IGF2BP2: variants seen among roughly 807,000 people sequenced by gnomAD.
The protein encoded by IGF2BP2 is insulin like growth factor 2 mRNA binding protein 2, also known as insulin-like growth factor 2 mRNA-binding protein 2.
Under a neutral mutation model 75.8 loss-of-function variants are expected in IGF2BP2, and 17 were observed. The ratio of observed to expected loss-of-function variants is 0.22; its 90% confidence interval spans 0.15 to 0.34. The LOEUF (loss-of-function observed/expected upper bound fraction) is 0.34. Among genes scored for constraint, IGF2BP2 ranks in the 10% least tolerant of loss-of-function variants. The probability of loss-of-function intolerance (pLI) is 1.00; values close to 1 mark genes in which losing one functional copy is unlikely to be tolerated. For missense variants in IGF2BP2, 516 were observed against 772.4 expected, an observed-to-expected ratio of 0.67 and a Z score of 3.93; for synonymous variants, 288 against 295.6, an observed-to-expected ratio of 0.97 and a Z score of 0.26.
chr3:185,660,411 G>A (rs1415141309), intron 10 of IGF2BP2, among the ~76,000 whole-genome samples: 1 of 152,212 alleles, frequency 6.6e-6, no homozygotes, highest in Non-Finnish European at 1.5e-5. Flanking sequence ...TTTGCCTTAT[G>A]ACCCATTAGG....
At chr3:185,769,962 C>T (rs1336029341) in intron 2 of IGF2BP2, among the ~76,000 whole-genome samples, 2 of 151,778 alleles carry the variant, frequency 1.3e-5, no homozygotes, top group Non-Finnish European at 2.9e-5. Flanking sequence ...CACATTTTAT[C>T]TCTAAAGAAG....
chr3:185,725,596 G>A (rs1184064338), intron 2 of IGF2BP2, among the ~76,000 whole-genome samples: 1 of 152,162 alleles, frequency 6.6e-6, no homozygotes, highest in Non-Finnish European at 1.5e-5. Flanking sequence ...CGGGGTAGAG[G>A]AGAGGAGGTA....
chr3:185,731,115 C>A (rs1013698301), intron 2 of IGF2BP2, among the ~76,000 whole-genome samples: 2 of 152,044 alleles, frequency 1.3e-5, no homozygotes, highest in Non-Finnish European at 2.9e-5. Flanking sequence ...ATATCAAAAG[C>A]TCTTTGGATT....
chr3:185,810,786 CAAAAAACAAAAACT>C (rs1291381344), intron 2 of IGF2BP2, among the ~76,000 whole-genome samples: 2 of 148,732 alleles, frequency 1.3e-5, no homozygotes, highest in African/African-American at 5.0e-5. Context: ...AAAAAAACAA[CAAAAAACAAAAACT>C]AAAAAACAAA....
intron 2 of IGF2BP2, among the ~76,000 whole-genome samples, chr3:185,766,445 G>C (rs1007280100): frequency 2.6e-5 from 4 of 151,070 alleles, no homozygotes; most frequent in Admixed American, 2.6e-4. Flanking sequence ...TAAATGGTTG[G>C]AAAAAAAATA....
rs181496394 is a variant in IGF2BP2, at chr3:185,655,218, G to A, written c.1386+2068C>T. ...GTGATCTCGGCTCACTGCAACCTCC[G>A]CCTCCCAGGTTCAAGTGATTCTCCT... On this transcript the variant is annotated intron_variant, in intron 12 of 15. Transcript: ENST00000382199. 4.0e-3 allele frequency among the ~76,000 whole-genome samples: 612 copies of A among 152,184 alleles called. 7 individuals are homozygous for A. Among genetic ancestry groups the A allele is most frequent in the Non-Finnish European group, 6.4e-3 (434 of 67,994 alleles).
chr3:185,685,519 T>A (rs532626021), intron 7 of IGF2BP2, among the ~76,000 whole-genome samples: 1 of 152,268 alleles, frequency 6.6e-6, no homozygotes, highest in South Asian at 2.1e-4. Context: ...ATTTGTAATG[T>A]TCTTCTTTTA....
At chr3:185,742,350 G>C (rs1262495420) in intron 2 of IGF2BP2, among the ~76,000 whole-genome samples, 1 of 152,034 alleles carries the variant, frequency 6.6e-6, no homozygotes, top group Non-Finnish European at 1.5e-5. Context: ...AAAAAAATTA[G>C]CCAGGCATGG....
chr3:185,753,417 T>G (rs1209078143), intron 2 of IGF2BP2, among the ~76,000 whole-genome samples: 2 of 152,138 alleles, frequency 1.3e-5, no homozygotes, highest in African/African-American at 4.8e-5. Flanking sequence ...GCAGAAAAGA[T>G]GATATATGAC....
Position 185,645,549 on chromosome 3 carries a change from G to A in IGF2BP2, c.1782C>T (p.Ala594=), listed in dbSNP as rs369531151. 92 of 1,612,856 alleles carry A rather than the reference G, an allele frequency of 5.7e-5. No homozygotes were observed. The highest frequency in any genetic ancestry group is 7.7e-5 in the Non-Finnish European group (91 of 1,178,980). ...QQEQKYPQGV[A]SQRSK is the part of the protein sequence containing the mutation. ...GGGAGCCTCACTTGCTGCGCTGTGA[G>A]GCGACTCCCTGAGGGTATTTCTGCT... The change falls in exon 16 of 16, where the codon GCC becomes GCT. Residue 594 remains alanine, a synonymous_variant. Transcript: ENST00000382199. The surrounding 1 kb of genome is among the most constrained non-coding windows in gnomAD (Gnocchi z 4.9).
Position 185,687,098 on chromosome 3 carries a change from C to G in IGF2BP2, c.771G>C (p.Met257Ile). 2 of 1,613,784 alleles carry G rather than the reference C, an allele frequency of 1.2e-6. No homozygotes were observed. The highest frequency in any genetic ancestry group is 1.7e-6 in the Non-Finnish European group (2 of 1,179,944). ...TPEGTSEACR[M>I]ILEIMQKEAD... ...CCTCTTTCTGCATGATTTCAAGAAT[C>G]ATGCGGCATGCTTCAGAAGTCCCCT... Residue 257 changes from methionine to isoleucine, a missense_variant, in exon 7 of 16, where the codon ATG becomes ATC. By Grantham distance (10) the Met-to-Ile change is conservative. Transcript: ENST00000382199.
chr3:185,782,883 T>C (rs1735388232), intron 2 of IGF2BP2, among the ~76,000 whole-genome samples: 1 of 152,208 alleles, frequency 6.6e-6, no homozygotes, highest in Non-Finnish European at 1.5e-5. Context: ...ACCTGAGATG[T>C]TCTCCCAAAG....
intron 10 of IGF2BP2, among the ~76,000 whole-genome samples, chr3:185,661,635 CAAAAA>C (rs562781189): frequency 7.6e-5 from 3 of 39,616 alleles, no homozygotes; most frequent in Admixed American, 2.6e-4. Flanking sequence ...AAGACTGTCT[CAAAAA>C]AAAAAAAAAA....
intron 10 of IGF2BP2, among the ~76,000 whole-genome samples, chr3:185,665,314 AAGGAGAAGG>A (rs1387431787): frequency 7.3e-5 from 4 of 54,540 alleles, no homozygotes; most frequent in Admixed American, 5.2e-4. Flanking sequence ...GAAGGAGCAG[AAGGAGAAGG>A]AGGAGGAGGA....
At chr3:185,684,865 C>T (rs73058850) in intron 7 of IGF2BP2, among the ~76,000 whole-genome samples, 2 of 152,028 alleles carry the variant, frequency 1.3e-5, no homozygotes, top group South Asian at 2.1e-4. Flanking sequence ...AAGCAGGAAC[C>T]AAGTCCTGCT....
chr3:185,689,711 G>A (rs944029977), intron 5 of IGF2BP2, 84 bp from the exon 6 acceptor site: 5 of 1,520,364 alleles, frequency 3.3e-6, no homozygotes, highest in Non-Finnish European at 4.5e-6. Flanking sequence ...GCTCACGCCT[G>A]TAATCCCAGC....
At chr3:185,678,623 T>A (rs897749064) in intron 7 of IGF2BP2, among the ~76,000 whole-genome samples, 3 of 152,204 alleles carry the variant, frequency 2.0e-5, no homozygotes, top group Admixed American at 2.0e-4. Flanking sequence ...CATTGTTGGG[T>A]GGAATGTTCT....
intron 2 of IGF2BP2, chr3:185,729,850 T>C (rs548242303): frequency 3.9e-4 from 60 of 152,286 alleles, no homozygotes; most frequent in African/African-American, 1.3e-3. Context: ...TTGCATCAGA[T>C]TGAGTGCAGA....
At chr3:185,808,198 G>A (rs1233450058) in intron 2 of IGF2BP2, among the ~76,000 whole-genome samples, 9 of 151,974 alleles carry the variant, frequency 5.9e-5, no homozygotes, top group Non-Finnish European at 1.0e-4. Context: ...AATAGAGGCC[G>A]GGCATGGTGG....
Sources: gnomAD v4.1 joint callset for allele counts (sites outside exome capture counted in the v4.1 genomes callset) on GRCh38, gnomAD v4.1.1 for gene constraint, Gnocchi (gnomAD v3.1) non-coding constraint, MANE v1.5 for transcripts, NCBI Gene and HGNC (gene_info 2026-07-23, HGNC 2026-07-21) for gene names.